Variants in ELMO1 observed in about 807,000 individuals in gnomAD.
ELMO1 encodes engulfment and cell motility 1.
ELMO1 carries 26 observed loss-of-function variants against 98.9 expected under a neutral mutation model. That is an observed-to-expected ratio of 0.26 (90% CI 0.19 to 0.36). The LOEUF is 0.36. ELMO1 is among the 10% of genes least tolerant of loss of function. ELMO1 has a pLI of 1.00. For missense variants in ELMO1, 627 were observed against 935.2 expected (o/e 0.67, Z 4.30); for synonymous variants, 346 against 346.0 (o/e 1.00, Z 0.00).
chr7:37,170,615 C>CT (rs543000463), intron 13 of ELMO1, among the ~76,000 whole-genome samples: 20,367 of 137,826 alleles, frequency 0.15, 1,625 homozygotes, highest in Admixed American at 0.16. Flanking sequence ...TCCTTGCTTG[C>CT]TTTTTTTTTT....
At chr7:37,251,708 A>G (rs559529286) in intron 6 of ELMO1, among the ~76,000 whole-genome samples, 5 of 152,344 alleles carry the variant, frequency 3.3e-5, no homozygotes, top group African/African-American at 4.8e-5. Context: ...CCTATTCAAC[A>G]TAGTATTGGA....
intron 15 of ELMO1, among the ~76,000 whole-genome samples, chr7:37,046,087 C>T (rs994465554): frequency 6.6e-6 from 1 of 152,192 alleles, no homozygotes; most frequent in African/African-American, 2.4e-5. Context: ...TCACCATATC[C>T]ACCTTTACCT....
At chr7:37,121,809 C>A (rs1279553542) in intron 14 of ELMO1, among the ~76,000 whole-genome samples, 1 of 152,062 alleles carries the variant, frequency 6.6e-6, no homozygotes, top group African/African-American at 2.4e-5. Context: ...AGAGCAACTC[C>A]AAGACACATA....
chr7:37,156,121 A>G (rs1788745562), intron 13 of ELMO1, among the ~76,000 whole-genome samples: 1 of 152,220 alleles, frequency 6.6e-6, no homozygotes, highest in Admixed American at 6.5e-5. Flanking sequence ...GTTCTTTGAA[A>G]CCAGTGAGAA....
chr7:37,245,507 A>C (rs1174861284), intron 6 of ELMO1, among the ~76,000 whole-genome samples: 2 of 152,340 alleles, frequency 1.3e-5, no homozygotes, highest in Non-Finnish European at 2.9e-5. Flanking sequence ...GGGGGATTAA[A>C]AATGCATATA....
intron 16 of ELMO1, chr7:36,919,518 CAT>C: frequency 2.4e-6 from 1 of 412,674 alleles, no homozygotes; most frequent in Non-Finnish European, 5.3e-6. Flanking sequence ...TAAGTCTCTT[CAT>C]CTGTAAAATG....
intron 19 of ELMO1, among the ~76,000 whole-genome samples, chr7:36,874,839 G>T (rs914019365): frequency 2.6e-5 from 4 of 152,202 alleles, no homozygotes; most frequent in African/African-American, 4.8e-5. Context: ...GAGGGGGGAT[G>T]TAAGAAGATG....
At chr7:37,024,596 C>T (rs1156573467) in intron 15 of ELMO1, among the ~76,000 whole-genome samples, 1 of 152,078 alleles carries the variant, frequency 6.6e-6, no homozygotes, top group Non-Finnish European at 1.5e-5. Context: ...TAGAATTCTC[C>T]CTCTGCCACT....
chr7:37,278,007 C>T (rs1236801157), intron 4 of ELMO1, among the ~76,000 whole-genome samples: 1 of 152,084 alleles, frequency 6.6e-6, no homozygotes, highest in Non-Finnish European at 1.5e-5. Context: ...CAGTTTCCAC[C>T]AATCCAAACT....
chr7:36,887,922 C>A (rs1805178555), intron 17 of ELMO1, among the ~76,000 whole-genome samples: 2 of 152,164 alleles, frequency 1.3e-5, no homozygotes, highest in South Asian at 4.1e-4. Flanking sequence ...GATGTTTTTC[C>A]AGAGCAAAGT....
At chr7:37,175,215 T>A (rs141106714) in intron 13 of ELMO1, among the ~76,000 whole-genome samples, 2 of 152,178 alleles carry the variant, frequency 1.3e-5, no homozygotes, top group African/African-American at 4.8e-5. Context: ...TTTGGTGAGA[T>A]GAGCATATCC....
chr7:37,422,995 C>G (rs2131538772), intron 1 of ELMO1, among the ~76,000 whole-genome samples: 1 of 152,320 alleles, frequency 6.6e-6, no homozygotes, highest in East Asian at 1.9e-4. Flanking sequence ...AATTGAGATT[C>G]AGAAGCATTA....
At chr7:37,071,030 G>A (rs1797241929) in intron 15 of ELMO1, among the ~76,000 whole-genome samples, 1 of 152,178 alleles carries the variant, frequency 6.6e-6, no homozygotes, top group Admixed American at 6.5e-5. Context: ...TCATTGTCCA[G>A]AGAAAACTTT....
chr7:37,322,991 T>C (rs10251451), intron 2 of ELMO1, among the ~76,000 whole-genome samples: 98,444 of 152,030 alleles, frequency 0.65, 33,026 homozygotes, highest in East Asian at 0.86. Context: ...TCAGAATAAC[T>C]TAGAGGATTA....
chr7:36,860,311 T>C (rs1012091243), intron 21 of ELMO1, among the ~76,000 whole-genome samples: 2 of 152,214 alleles, frequency 1.3e-5, no homozygotes, highest in Non-Finnish European at 1.5e-5. Flanking sequence ...CTTTCTATTG[T>C]TGAGGTATTC....
chr7:37,434,351 T>G (rs1434446231), intron 1 of ELMO1, among the ~76,000 whole-genome samples: 1 of 152,216 alleles, frequency 6.6e-6, no homozygotes, highest in Non-Finnish European at 1.5e-5. Context: ...CCCCAGTGAT[T>G]CTTAAGCATT....
chr7:37,167,031 G>T (rs1789753442), intron 13 of ELMO1, among the ~76,000 whole-genome samples: 1 of 152,028 alleles, frequency 6.6e-6, no homozygotes. Context: ...CCTGTATTGG[G>T]TGCATATATA....
At chr7:37,135,868 C>T (rs1052087474) in intron 13 of ELMO1, among the ~76,000 whole-genome samples, 1 of 152,108 alleles carries the variant, frequency 6.6e-6, no homozygotes, top group Admixed American at 6.5e-5. Context: ...TGGATCCAAA[C>T]CAAGATTAAA....
intron 6 of ELMO1, among the ~76,000 whole-genome samples, chr7:37,246,703 A>G (rs1258209023): frequency 1.3e-5 from 2 of 152,188 alleles, no homozygotes; most frequent in Non-Finnish European, 2.9e-5. Flanking sequence ...TTGGGCTATC[A>G]GATTCTAGTC....
Sources: gnomAD v4.1 joint callset for allele counts (sites outside exome capture counted in the v4.1 genomes callset) on GRCh38, gnomAD v4.1.1 for gene constraint, MANE v1.5 for transcripts, NCBI Gene and HGNC (gene_info 2026-07-23, HGNC 2026-07-21) for gene names.